The following TADA2A variants were observed in gnomAD, a reference collection of about 807,000 sequenced individuals.
TADA2A encodes the protein transcriptional adaptor 2A.
A neutral mutation model predicts 67.4 loss-of-function variants in TADA2A; 38 were observed. That is an observed-to-expected ratio of 0.56 (90% CI 0.44 to 0.74). TADA2A has a LOEUF of 0.74. Ranked by LOEUF, TADA2A falls within the 30% of genes least tolerant of loss-of-function variation. TADA2A has a pLI of 0.00. For synonymous variants in TADA2A, 192 were observed against 181.6 expected, an observed-to-expected ratio of 1.06 and a Z score of -0.46; for missense variants, 454 against 547.0, an observed-to-expected ratio of 0.83 and a Z score of 1.70.
chr17:37,444,856 C>T, intron 8 of TADA2A, 88 bp downstream of exon 8: 1 of 1,196,356 alleles, frequency 8.4e-7, no homozygotes, highest in Non-Finnish European at 1.2e-6. Context: ...ATGAATAGAA[C>T]ATGTCCCCTG....
chr17:37,433,085 T>C (rs921599921), intron 4 of TADA2A, among the ~76,000 whole-genome samples: 22 of 151,930 alleles, frequency 1.4e-4, no homozygotes, highest in Non-Finnish European at 4.4e-5. Context: ...TTTTTGGTCT[T>C]ATTTTAGAAT....
chr17:37,407,271 T>A (rs1354157561), intron 1 of TADA2A: 1 of 152,482 alleles, frequency 6.6e-6, no homozygotes. Flanking sequence ...GAATGGCCAC[T>A]GTGCCAGATG....
rs1355654129 is a variant in TADA2A at position 37,467,497 on chromosome 17, C to T, written c.867C>T (p.Tyr289=). ...LRREIKRLQE[Y]RTAGITNFCS... ...GGGAAATCAAGAGGCTCCAAGAATA[C>T]AGGACAGCAGGCATTACCAATTTTT... The change falls in exon 12 of 16, where the codon TAC becomes TAT. Residue 289 remains tyrosine, a synonymous_variant. Coordinates refer to ENST00000615182, the MANE Select transcript of TADA2A (RefSeq NM_001166105.3). 1.2e-6 allele frequency: 2 copies of T among 1,613,818 alleles called. No homozygotes were observed. Among genetic ancestry groups the T allele is most frequent in the Non-Finnish European group, 1.7e-6 (2 of 1,179,882 alleles).
chr17:37,449,660 C>T (rs900713584), intron 8 of TADA2A, among the ~76,000 whole-genome samples: 12 of 150,868 alleles, frequency 8.0e-5, no homozygotes, highest in African/African-American at 2.4e-4. Context: ...CGCCCTGTTG[C>T]CCATGCTGGA....
intron 2 of TADA2A, among the ~76,000 whole-genome samples, chr17:37,412,067 C>G (rs1482884696): frequency 6.6e-6 from 1 of 151,616 alleles, no homozygotes; most frequent in South Asian, 2.1e-4. Context: ...AAAAATTAGC[C>G]AGGCATGGTG....
intron 6 of TADA2A, among the ~76,000 whole-genome samples, chr17:37,442,112 T>A (rs992326778): frequency 6.6e-6 from 1 of 152,110 alleles, no homozygotes; most frequent in Non-Finnish European, 1.5e-5. Context: ...ACAGGTTAGT[T>A]TGTGCAGGGT....
intron 2 of TADA2A, among the ~76,000 whole-genome samples, chr17:37,418,714 C>A (rs2052133688): frequency 1.3e-5 from 2 of 151,022 alleles, no homozygotes; most frequent in Non-Finnish European, 3.0e-5. Context: ...GCCTCAGCCT[C>A]CTGAGTAGCT....
At chr17:37,453,561 T>A (rs2053289020) in intron 8 of TADA2A, among the ~76,000 whole-genome samples, 1 of 152,118 alleles carries the variant, frequency 6.6e-6, no homozygotes, top group Non-Finnish European at 1.5e-5. Flanking sequence ...AAGATTTTAT[T>A]TGAACATACA....
chr17:37,474,489 T>G, intron 14 of TADA2A, 67 bp from the exon 15 acceptor site: 1 of 1,529,100 alleles, frequency 6.5e-7, no homozygotes, highest in South Asian at 1.2e-5. Flanking sequence ...CTGAACTTTT[T>G]AATACTTTAC....
intron 2 of TADA2A, among the ~76,000 whole-genome samples, chr17:37,417,145 T>C (rs141808777): frequency 0.029 from 4,429 of 151,910 alleles, 92 homozygotes; most frequent in Non-Finnish European, 0.042. Context: ...TCTGGGAGGC[T>C]GAGGCAGACG....
rs1204574812 is a variant in TADA2A, at chr17:37,452,900, G to GA, written c.605-5621dup. Among the ~76,000 whole-genome samples, 92 of 152,248 alleles carry GA rather than the reference G, an allele frequency of 6.0e-4. 2 individuals carry two copies. The highest frequency in any genetic ancestry group is 6.0e-3 in the Admixed American group (92 of 15,290). Reference sequence around the variant, plus strand: ...AATGTTTAAATATTTGAACTTGTTAGAAATGAACAAAAAGAATCCATGGTA... The same window carrying GA: ...AATGTTTAAATATTTGAACTTGTTAGAAAATGAACAAAAAGAATCCATGGTA... On this transcript the variant is annotated intron_variant, in intron 8 of 15. Coordinates refer to ENST00000615182, the MANE Select transcript of TADA2A (RefSeq NM_001166105.3).
intron 4 of TADA2A, among the ~76,000 whole-genome samples, chr17:37,432,925 A>ATTTTTTTTTTTTTATT (rs2052612852): frequency 1.9e-5 from 1 of 52,208 alleles, no homozygotes; most frequent in South Asian, 1.0e-3. Context: ...TGGTATTACA[A>ATTTTTTTTTTTTTATT]TTTTTTTTTT....
chr17:37,457,475 C>T (rs1043877191), intron 8 of TADA2A, among the ~76,000 whole-genome samples: 1 of 148,478 alleles, frequency 6.7e-6, no homozygotes, highest in African/African-American at 2.5e-5. Context: ...GCCACTGTGC[C>T]CAACCAACAT....
chr17:37,437,771 A>G lies in TADA2A; in HGVS notation c.226A>G (p.Thr76Ala), dbSNP rs1438098357. The part of the protein sequence containing the change: ...SDFPVLDPSW[T>A]AQEEMALLEA... ...TTTTCCTGTCCTTGATCCCAGCTGG[A>G]CTGCTCAAGAAGAAATGGCCCTTTT... is the stretch of plus-strand genomic sequence containing the variant. Residue 76 changes from threonine (T) to alanine (A), a missense_variant, in exon 5 of 16, where the codon ACT (threonine) becomes GCT (alanine). By Grantham distance (58) the Thr-to-Ala change is moderately conservative. Around this residue, in one of 2 missense-constraint regions of TADA2A, gnomAD observed 403 missense variants for 455.5 expected, o/e 0.88. Transcript: ENST00000615182. 6.2e-7 allele frequency: 1 copy of G among 1,614,156 alleles called. No individual in the cohort carries two copies. Among genetic ancestry groups the G allele is most frequent in the Admixed American group, 1.7e-5 (1 of 60,002 alleles).
At chr17:37,474,783 G>C (rs1414892519) in intron 15 of TADA2A, among the ~76,000 whole-genome samples, 154 bp downstream of exon 15, 1 of 152,154 alleles carries the variant, frequency 6.6e-6, no homozygotes, top group East Asian at 1.9e-4. Context: ...AAGAGCTAAA[G>C]AGCCGTTTGT....
Position 37,441,372 on chromosome 17 carries a change from T to TATTTGAC in TADA2A, c.442+711_442+717dup, listed in dbSNP as rs773695053. ...CATATGAGTTGCTTAGAGAATACAG[T>TATTTGAC]ATTTGACTCATTATTATTAATTGCC... On this transcript the variant is annotated intron_variant, in intron 6 of 15. Transcript: ENST00000615182. Among the ~76,000 whole-genome samples, 357 of 152,306 alleles carry TATTTGAC rather than the reference T, an allele frequency of 2.3e-3. 2 individuals are homozygous for TATTTGAC. The highest frequency in any genetic ancestry group is 3.4e-3 in the Middle Eastern group (1 of 294).
chr17:37,429,110 T>C (rs2052497038), intron 4 of TADA2A, among the ~76,000 whole-genome samples: 1 of 151,886 alleles, frequency 6.6e-6, no homozygotes, highest in African/African-American at 2.4e-5. Context: ...TTCTATGTTA[T>C]TCAGGCGTCT....
In TADA2A at chr17:37,470,384, T is replaced by C. The variant is rs373234683; in HGVS notation, c.896-16T>C. 1.1e-4 allele frequency: 178 copies of C among 1,613,298 alleles called. No homozygotes were observed. Among genetic ancestry groups the C allele is most frequent in the Non-Finnish European group, 1.4e-4 (162 of 1,179,786 alleles). On this transcript the variant is annotated splice_polypyrimidine_tract_variant and intron_variant, in intron 12 of 15. Transcript: ENST00000615182. ...CTGCATTGTCATTGTGGTCATTGTGTTTTCTATACCCCCAGGTGCCAGAAC... is the reference window on the plus strand; with the variant it reads ...CTGCATTGTCATTGTGGTCATTGTGCTTTCTATACCCCCAGGTGCCAGAAC...
chr17:37,458,640 TGTGTG>T (rs2053463968), intron 9 of TADA2A, 53 bp downstream of exon 9: 66 of 342,152 alleles, frequency 1.9e-4, no homozygotes, highest in Middle Eastern at 9.0e-4. Flanking sequence ...TATTGTTTTG[TGTGTG>T]TGTGTGTGTG....
Sources: allele counts gnomAD v4.1 joint callset (sites outside exome capture counted in the v4.1 genomes callset), GRCh38; gene constraint gnomAD v4.1.1; regional missense constraint gnomAD v4.1.1; transcripts MANE v1.5; gene names NCBI Gene and HGNC (gene_info 2026-07-23, HGNC 2026-07-21).